Variants in OTOGL observed in about 807,000 individuals in gnomAD.
OTOGL encodes the protein otogelin-like protein.
OTOGL carries 285 observed loss-of-function variants against 318.5 expected under a neutral mutation model. That is an observed-to-expected ratio of 0.89 (90% confidence interval 0.81 to 0.99). The LOEUF (loss-of-function observed/expected upper bound fraction) is 0.99, where lower values mean the gene tolerates loss of function less well. Ranked by LOEUF, OTOGL falls within the 50% of genes least tolerant of loss-of-function variation. The pLI is 0.00. For missense variants in OTOGL, 2,899 were observed against 2,845.6 expected, an observed-to-expected ratio of 1.02 and a Z score of -0.43; for synonymous variants, 987 against 936.5, an observed-to-expected ratio of 1.05 and a Z score of -0.99.
rs1223460937 is a variant in OTOGL, at chr12:80,279,052, T to C, written c.2814T>C (p.Asn938=). 1 of 1,510,510 alleles carries C rather than the reference T, an allele frequency of 6.6e-7. No individual in the cohort carries two copies. Among genetic ancestry groups the C allele is most frequent in the African/African-American group, 1.4e-5 (1 of 71,326 alleles). 93.6% of individuals were successfully genotyped at this position (1,510,510 alleles called of 1,614,324 possible). ...YTCVCRRGMF[N]CTYYPCPAVC... ...GCGTTTGTCGACGAGGAATGTTCAA[T>C]TGCACATATTATCCATGCCCAGCAG... is the stretch of plus-strand genomic sequence containing the variant. Residue 938 remains asparagine, a synonymous_variant, in exon 26 of 59, where the codon AAT becomes AAC. Coordinates refer to ENST00000547103, the MANE Select transcript of OTOGL (RefSeq NM_001378609.3).
chr12:80,332,231 G>A (rs890175453), intron 37 of OTOGL, among the ~76,000 whole-genome samples: 1 of 152,078 alleles, frequency 6.6e-6, no homozygotes, highest in African/African-American at 2.4e-5. Context: ...TGGCTACATT[G>A]AGCTCCAAAA....
intron 48 of OTOGL, 135 bp downstream of exon 48, chr12:80,356,655 A>C: frequency 4.1e-6 from 3 of 726,158 alleles, no homozygotes; most frequent in Non-Finnish European, 6.3e-6. Context: ...TAATTTTTTA[A>C]ACCTGGTATA....
chr12:80,329,840 A>G (rs1321331096), intron 37 of OTOGL, among the ~76,000 whole-genome samples: 3 of 152,190 alleles, frequency 2.0e-5, no homozygotes, highest in Non-Finnish European at 4.4e-5. Context: ...GTGAGGAGAT[A>G]TGATAAACAA....
chr12:80,175,716 G>C (rs1349696974), intron 1 of OTOGL, among the ~76,000 whole-genome samples: 1 of 152,096 alleles, frequency 6.6e-6, no homozygotes, highest in Non-Finnish European at 1.5e-5. Flanking sequence ...TGTGGTTCTT[G>C]TCTGGGGCCT....
intron 1 of OTOGL, among the ~76,000 whole-genome samples, chr12:80,153,757 T>G (rs1231757201): frequency 6.6e-6 from 1 of 152,228 alleles, no homozygotes; most frequent in East Asian, 1.9e-4. Flanking sequence ...TATTTTTTAT[T>G]GTCTCCATAG....
Position 80,222,146 on chromosome 12 carries a change from T to A in OTOGL, c.390T>A (p.His130Gln), listed in dbSNP as rs1350608004. 6.3e-7 allele frequency: 1 copy of A among 1,598,198 alleles called. No homozygotes were observed. Among genetic ancestry groups the A allele is most frequent in the African/African-American group, 1.3e-5 (1 of 74,900 alleles). ...TTTGTAAAACCTGGGGACAGTATCA[T>A]TTTGAAACATTCGATGGCATCTACT... ...DGICKTWGQYHFETFDGIYYY... is the reference protein window; with the variant it reads ...DGICKTWGQYQFETFDGIYYY... The change falls in exon 7 of 59, where the codon CAT becomes CAA. Residue 130 changes from histidine to glutamine, a missense_variant. His to Gln is a conservative substitution (Grantham distance 24, BLOSUM62 0). Transcript: ENST00000547103.
At position 80,262,000 on chromosome 12, in the gene OTOGL, C is replaced by G. The variant is rs775207938; in HGVS notation, c.1921C>G (p.Gln641Glu). The change falls in exon 19 of 59, where the codon CAA becomes GAA. Residue 641 changes from glutamine to glutamate, a missense_variant. Gln to Glu is a conservative substitution (Grantham distance 29, BLOSUM62 2). Coordinates refer to ENST00000547103, the MANE Select transcript of OTOGL (RefSeq NM_001378609.3). ...SPSGMIEGTP[Q>E]LHANAWRVSS... The stretch of plus-strand genomic sequence containing the variant: ...ATCAGGCATGATAGAAGGTACACCA[C>G]AACTTCACGCAAATGCGTGGAGAGT... 2 of 1,612,812 alleles carry G rather than the reference C, an allele frequency of 1.2e-6. No homozygotes were observed. Among genetic ancestry groups the G allele is most frequent in the Non-Finnish European group, 1.7e-6 (2 of 1,179,238 alleles).
intron 1 of OTOGL, among the ~76,000 whole-genome samples, chr12:80,127,467 C>T (rs1483562016): frequency 1.3e-5 from 2 of 152,166 alleles, no homozygotes; most frequent in Non-Finnish European, 2.9e-5. Flanking sequence ...TCTGGCTGCC[C>T]TTAACATTTT....
intron 9 of OTOGL, among the ~76,000 whole-genome samples, chr12:80,234,636 A>G (rs1160093352): frequency 6.6e-6 from 1 of 152,236 alleles, no homozygotes; most frequent in Non-Finnish European, 1.5e-5. Context: ...AATACATTTA[A>G]TTTAATTTAT....
intron 7 of OTOGL, among the ~76,000 whole-genome samples, chr12:80,224,946 G>T (rs922880872): frequency 6.6e-6 from 1 of 151,964 alleles, no homozygotes; most frequent in Non-Finnish European, 1.5e-5. Context: ...GGATGCATAT[G>T]TCTTTCTCCA....
chr12:80,114,143 G>A (rs1870016070), intron 1 of OTOGL, among the ~76,000 whole-genome samples: 1 of 152,122 alleles, frequency 6.6e-6, no homozygotes, highest in Non-Finnish European at 1.5e-5. Context: ...GTGTGAATTT[G>A]ATCCTGTGAT....
intron 19 of OTOGL, among the ~76,000 whole-genome samples, chr12:80,262,733 TACATGTATATATTCAGATAGAAGATAC>T (rs1233217957): frequency 1.3e-5 from 2 of 152,230 alleles, no homozygotes; most frequent in Admixed American, 6.6e-5. Context: ...AAAAAAGATA[TACATGTATATATTCAGATAGAAGATAC>T]ACATGTATAT....
chr12:80,232,767 C>T (rs1879479175), intron 8 of OTOGL, 125 bp from the exon 9 acceptor site: 3 of 886,798 alleles, frequency 3.4e-6, no homozygotes, highest in African/African-American at 1.7e-5. Flanking sequence ...GCTCTTGCTG[C>T]ACAGCTTATT....
At chr12:80,367,140 C>CTT (rs34564981) in intron 53 of OTOGL, among the ~76,000 whole-genome samples, 1 of 131,040 alleles carries the variant, frequency 7.6e-6, no homozygotes, top group African/African-American at 2.9e-5. Context: ...CCATACCCAG[C>CTT]TTTTTTTTTT....
intron 4 of OTOGL, among the ~76,000 whole-genome samples, chr12:80,213,446 T>G (rs1284121460): frequency 6.6e-6 from 1 of 152,136 alleles, no homozygotes; most frequent in African/African-American, 2.4e-5. Flanking sequence ...TCTCATCCTG[T>G]GACGAAGAAT....
chr12:80,211,386 G>T (rs1039303748), intron 3 of OTOGL, among the ~76,000 whole-genome samples: 1 of 151,934 alleles, frequency 6.6e-6, no homozygotes, highest in Non-Finnish European at 1.5e-5. Context: ...TTCACCATTT[G>T]ATTTTTTAAA....
chr12:80,358,593 G>A, intron 50 of OTOGL, 78 bp from the exon 51 acceptor site: 2 of 1,117,370 alleles, frequency 1.8e-6, no homozygotes, highest in East Asian at 2.5e-5. Flanking sequence ...TATTGTAATG[G>A]CAGTGAACTA....
intron 34 of OTOGL, 68 bp downstream of exon 34, chr12:80,320,768 T>C: frequency 2.8e-6 from 4 of 1,408,122 alleles, no homozygotes; most frequent in Non-Finnish European, 3.7e-6. Flanking sequence ...TATTTATGTC[T>C]TTAATTTAAA....
chr12:80,178,692 T>C (rs1874710768), intron 1 of OTOGL, among the ~76,000 whole-genome samples: 1 of 152,216 alleles, frequency 6.6e-6, no homozygotes, highest in African/African-American at 2.4e-5. Context: ...TGATGTACAG[T>C]ATCTGAGTAT....
Sources: allele counts gnomAD v4.1 joint callset (sites outside exome capture counted in the v4.1 genomes callset), GRCh38; gene constraint gnomAD v4.1.1; transcripts MANE v1.5; gene names NCBI Gene and HGNC (gene_info 2026-07-23, HGNC 2026-07-21).